MCTP2: variants seen among roughly 807,000 people sequenced by gnomAD.
MCTP2 encodes the protein multiple C2 and transmembrane domain-containing protein 2.
In MCTP2, 132 loss-of-function variants were observed where a neutral mutation model predicts 111.6. The observed-to-expected ratio is 1.18, with a 90% CI of 1.03 to 1.37. The LOEUF is 1.37. Among genes scored for constraint, MCTP2 ranks in the 40% most tolerant of loss-of-function variants. The pLI, the probability that MCTP2 is intolerant of heterozygous loss-of-function variation, is 0.00. For missense variants in MCTP2, 1,183 were observed against 1,067.9 expected (o/e 1.11, Z -1.50); for synonymous variants, 395 against 387.7 (o/e 1.02, Z -0.22).
chr15:94,383,262 G>A (rs1270812150), intron 12 of MCTP2, among the ~76,000 whole-genome samples: 1 of 152,176 alleles, frequency 6.6e-6, no homozygotes, highest in Non-Finnish European at 1.5e-5. Context: ...CCATGTAGAA[G>A]CCTGTAAGTT....
At chr15:94,299,436 A>G (rs2075490418) in intron 2 of MCTP2, among the ~76,000 whole-genome samples, 1 of 152,098 alleles carries the variant, frequency 6.6e-6, no homozygotes, top group African/African-American at 2.4e-5. Flanking sequence ...CTGCCTTAGG[A>G]TTTGAACTTC....
At chr15:94,377,300 C>T (rs962078918) in intron 12 of MCTP2, among the ~76,000 whole-genome samples, 3 of 152,148 alleles carry the variant, frequency 2.0e-5, no homozygotes, top group Non-Finnish European at 4.4e-5. Flanking sequence ...GCTCAGTAGT[C>T]GTGATTGAAC....
intron 1 of MCTP2, among the ~76,000 whole-genome samples, chr15:94,252,143 T>C (rs1421836348): frequency 6.6e-6 from 1 of 152,192 alleles, no homozygotes; most frequent in African/African-American, 2.4e-5. Context: ...AGAAGTGGAA[T>C]TGCTAGATTA....
At chr15:94,416,262 T>G (rs559829345) in intron 17 of MCTP2, among the ~76,000 whole-genome samples, 23 of 152,206 alleles carry the variant, frequency 1.5e-4, no homozygotes, top group Non-Finnish European at 2.2e-4. Context: ...GATTTTTTTT[T>G]TTGTTTTAAA....
At chr15:94,243,476 T>C (rs2071281204) in intron 1 of MCTP2, among the ~76,000 whole-genome samples, 1 of 149,248 alleles carries the variant, frequency 6.7e-6, no homozygotes, top group Non-Finnish European at 1.5e-5. Context: ...TATATGCGTA[T>C]GTACACACAT....
intron 14 of MCTP2, among the ~76,000 whole-genome samples, chr15:94,388,321 G>C (rs1280253659): frequency 6.6e-6 from 1 of 152,180 alleles, no homozygotes; most frequent in East Asian, 1.9e-4. Flanking sequence ...TTCGGCTGCT[G>C]CTGTTCACTC....
At chr15:94,441,856 C>G (rs561854458) in intron 18 of MCTP2, among the ~76,000 whole-genome samples, 2 of 152,168 alleles carry the variant, frequency 1.3e-5, no homozygotes. Context: ...TTTCATGAGA[C>G]ATGTTTGCTG....
At chr15:94,353,876 T>C (rs2078453028) in intron 8 of MCTP2, among the ~76,000 whole-genome samples, 2 of 152,192 alleles carry the variant, frequency 1.3e-5, no homozygotes, top group Non-Finnish European at 2.9e-5. Context: ...TAAACATCTA[T>C]AGATATATGT....
Position 94,479,779 on chromosome 15 carries a change from A to T in MCTP2, c.*745A>T, listed in dbSNP as rs1045849489. On this transcript the variant is annotated 3_prime_UTR_variant, in exon 23 of 23. Coordinates refer to ENST00000357742, the MANE Select transcript of MCTP2 (RefSeq NM_001385001.1). ...TTCTGATGCCACTTCTTCTCACTTT[A>T]CTTTTTGCTTATTTTCAAAATATTA... 2 of 152,026 alleles carry T rather than the reference A, an allele frequency of 1.3e-5. No homozygotes were observed. Among genetic ancestry groups the T allele is most frequent in the African/African-American group, 4.8e-5 (2 of 41,378 alleles). 9.4% of individuals were successfully genotyped at this position (152,026 alleles called of 1,614,324 possible). A position where few individuals can be genotyped will look rare whatever the true frequency, so the allele number is the denominator to read the frequency against.
At chr15:94,429,123 A>G (rs895361869) in intron 17 of MCTP2, among the ~76,000 whole-genome samples, 1 of 145,338 alleles carries the variant, frequency 6.9e-6, no homozygotes, top group Non-Finnish European at 1.5e-5. Context: ...CCCCCTCTAT[A>G]TCTATCCCCC....
chr15:94,385,752 A>C (rs2080429145), intron 14 of MCTP2, among the ~76,000 whole-genome samples: 1 of 152,198 alleles, frequency 6.6e-6, no homozygotes, highest in Non-Finnish European at 1.5e-5. Flanking sequence ...AACCAACCAA[A>C]ACATTTTGAC....
intron 12 of MCTP2, among the ~76,000 whole-genome samples, chr15:94,375,084 G>A (rs1224615372): frequency 6.6e-6 from 1 of 152,156 alleles, no homozygotes; most frequent in East Asian, 1.9e-4. Flanking sequence ...TGCTTCTTGG[G>A]AAGTCTCAGG....
At chr15:94,386,835 C>T (rs534582361) in intron 14 of MCTP2, among the ~76,000 whole-genome samples, 1 of 152,188 alleles carries the variant, frequency 6.6e-6, no homozygotes, top group Admixed American at 6.5e-5. Context: ...AACAACTCCC[C>T]TCTGTTTTGT....
At chr15:94,268,411 T>C (rs2073712500) in intron 1 of MCTP2, among the ~76,000 whole-genome samples, 1 of 147,926 alleles carries the variant, frequency 6.8e-6, no homozygotes, top group Non-Finnish European at 1.5e-5. Context: ...GGTTTAGTCT[T>C]GAACTCCCGA....
At chr15:94,322,306 T>TC (rs1281257577) in intron 4 of MCTP2, among the ~76,000 whole-genome samples, 1 of 152,008 alleles carries the variant, frequency 6.6e-6, no homozygotes, top group South Asian at 2.1e-4. Flanking sequence ...TTTGAATTTT[T>TC]TTTTTTTTAG....
At chr15:94,400,128 T>A (rs2081493801) in intron 16 of MCTP2, 133 bp downstream of exon 16, 1 of 691,534 alleles carries the variant, frequency 1.4e-6, no homozygotes. Flanking sequence ...TCTTGCCCCA[T>A]CTCTCCACTT....
chr15:94,425,858 C>T (rs2082863808), intron 17 of MCTP2, among the ~76,000 whole-genome samples: 1 of 152,102 alleles, frequency 6.6e-6, no homozygotes, highest in Non-Finnish European at 1.5e-5. Context: ...TAAATAATTG[C>T]ATCTATAATT....
intron 1 of MCTP2, among the ~76,000 whole-genome samples, chr15:94,276,535 C>A (rs576754826): frequency 1.3e-5 from 2 of 151,916 alleles, no homozygotes; most frequent in African/African-American, 2.4e-5. Context: ...TAACACATGA[C>A]TCAACCTAAA....
At chr15:94,328,181 T>A (rs1466293781) in intron 4 of MCTP2, among the ~76,000 whole-genome samples, 1 of 150,018 alleles carries the variant, frequency 6.7e-6, no homozygotes, top group Non-Finnish European at 1.5e-5. Context: ...CAGGCTGGAG[T>A]GCAGTGGCGT....
Sources: gnomAD v4.1 joint callset for allele counts (sites outside exome capture counted in the v4.1 genomes callset) on GRCh38, gnomAD v4.1.1 for gene constraint, MANE v1.5 for transcripts, NCBI Gene and HGNC (gene_info 2026-07-23, HGNC 2026-07-21) for gene names.